The following JMJD6 variants were observed in gnomAD, a reference collection of about 807,000 sequenced individuals.
JMJD6 encodes the protein bifunctional arginine demethylase and lysyl-hydroxylase JMJD6.
In JMJD6, 17 loss-of-function variants were observed where a neutral mutation model predicts 45.8. The observed-to-expected ratio is 0.37, with a 90% CI of 0.25 to 0.56. JMJD6 has a LOEUF of 0.56. Ranked by LOEUF, JMJD6 falls within the 20% of genes least tolerant of loss-of-function variation. The pLI, the probability that JMJD6 is intolerant of heterozygous loss-of-function variation, is 0.79. For missense variants in JMJD6, 470 were observed against 517.5 expected (o/e 0.91, Z 0.89); for synonymous variants, 221 against 196.3 (o/e 1.13, Z -1.05).
chr17:76,724,122 A>T, intron 2 of JMJD6, 64 bp from the exon 3 acceptor site: 4 of 1,545,048 alleles, frequency 2.6e-6, no homozygotes, highest in Non-Finnish European at 3.5e-6. Context: ...ACACAAAACA[A>T]TAAGTTTTTA....
Position 76,726,606 on chromosome 17 carries a change from T to A in JMJD6, c.-131A>T. The stretch of plus-strand genomic sequence containing the variant: ...GCCCTTCGCTCAGTCCCGGCGCCTT[T>A]AAAGTCGCCTTCCAGAAAATTCACT... On this transcript the variant is annotated 5_prime_UTR_variant, in exon 1 of 6. Transcript: ENST00000397625. 3 of 1,265,674 alleles carry A rather than the reference T, an allele frequency of 2.4e-6. No individual in the cohort carries two copies. Among genetic ancestry groups the A allele is most frequent in the Non-Finnish European group, 3.2e-6 (3 of 948,980 alleles). 78.4% of individuals were successfully genotyped at this position (1,265,674 alleles called of 1,614,324 possible).
chr17:76,726,345 A>G lies in JMJD6; in HGVS notation c.129+2T>C. ...CTGGCCACCCCCGCCCGACCCGCTC[A>G]CCGCCACGGCCGCCGGGCTCAGCGA... On this transcript the variant is annotated splice_donor_variant, in intron 1 of 5. Transcript: ENST00000397625. LOFTEE classifies it high-confidence loss of function. 1.9e-6 allele frequency: 3 copies of G among 1,573,590 alleles called. No homozygotes were observed. Among genetic ancestry groups the G allele is most frequent in the Non-Finnish European group, 8.6e-7 (1 of 1,163,552 alleles).
Position 76,720,386 on chromosome 17 carries a change from A to G in JMJD6, c.1054T>C (p.Ser352Pro). 1 of 1,614,122 alleles carries G rather than the reference A, an allele frequency of 6.2e-7. No individual in the cohort carries two copies. The highest frequency in any genetic ancestry group is 8.5e-7 in the Non-Finnish European group (1 of 1,180,006). The change falls in exon 5 of 6, where the codon TCC becomes CCC. Residue 352 changes from serine to proline, a missense_variant. Coordinates refer to ENST00000397625, the MANE Select transcript of JMJD6 (RefSeq NM_015167.3). ...TCTGAGTCGGAGTCTGACGAACTGG[A>G]GCTGGAGGAGCTGGAAGAGTCGCTG... Reference protein sequence around the residue: ...SSSDSSSSSSSSSSDSDSECE... With the variant: ...SSSDSSSSSSPSSSDSDSECE...
chr17:76,715,249 G>C (rs1169696460), downstream of JMJD6: 1 of 152,182 alleles, frequency 6.6e-6, no homozygotes, highest in African/African-American at 2.4e-5. Context: ...TATACATTCA[G>C]AGTTTGACTT....
chr17:76,726,285 A>C lies in JMJD6; in HGVS notation c.129+62T>G, dbSNP rs958028208. On this transcript the variant is annotated intron_variant, in intron 1 of 5. Transcript: ENST00000397625. ...GCGAGGGCAGCCTCGGGCCCAGAGA[A>C]AGGTGCGTAGCGGCTGGAGGTGCCG... 4 of 1,505,066 alleles carry C rather than the reference A, an allele frequency of 2.7e-6. No homozygotes were observed. In the African/African-American group the frequency reaches 5.8e-5, roughly 22 times the overall value. The allele number at this position is 1,505,066 out of a possible 1,614,324, so 93.2% of individuals were successfully genotyped here. A position where few individuals can be genotyped will look rare whatever the true frequency, so the allele number is the denominator to read the frequency against.
At chr17:76,721,714 ACAT>A in intron 4 of JMJD6, 81 bp downstream of exon 4, 2 of 1,428,138 alleles carry the variant, frequency 1.4e-6, no homozygotes. Context: ...CGATCAGCAC[ACAT>A]CATCGCAGCA....
chr17:76,726,332 GC>G lies in JMJD6; in HGVS notation c.129+14del. 1 of 1,560,758 alleles carries G rather than the reference GC, an allele frequency of 6.4e-7. No individual in the cohort carries two copies. The highest frequency in any genetic ancestry group is 1.4e-5 in the African/African-American group (1 of 71,718). On this transcript the variant is annotated intron_variant, in intron 1 of 5. Transcript: ENST00000397625. Reference sequence around the variant, plus strand: ...GCCGATGCCCGGCCTGGCCACCCCCGCCCGACCCGCTCACCGCCACGGCCGC... The same window carrying G: ...GCCGATGCCCGGCCTGGCCACCCCCGCCGACCCGCTCACCGCCACGGCCGC...
At position 76,718,651 on chromosome 17, in the gene JMJD6, G is replaced by C. The variant is rs779096055; in HGVS notation, c.*78C>G. ...TCTGTCAGGCCTCCCCTTGTCTGCA[G>C]GACTGGACAGGCCACCCTCCCCAGG... On this transcript the variant is annotated 3_prime_UTR_variant, in exon 6 of 6. Transcript: ENST00000397625. 1 of 1,560,824 alleles carries C rather than the reference G, an allele frequency of 6.4e-7. No homozygotes were observed.
At chr17:76,721,522 C>T (rs2240770) in intron 4 of JMJD6, 124,620 of 450,246 alleles carry the variant, frequency 0.28, 18,523 homozygotes, top group East Asian at 0.35. Context: ...AAAAACAAAA[C>T]ACAAAACAAA....
chr17:76,724,834 GA>G (rs962975931), intron 2 of JMJD6, among the ~76,000 whole-genome samples: 14 of 149,794 alleles, frequency 9.3e-5, no homozygotes, highest in Admixed American at 7.3e-4. Flanking sequence ...AAAAAAAAAA[GA>G]AAAAAAAAGA....
downstream of JMJD6, among the ~76,000 whole-genome samples, chr17:76,717,366 T>C (rs1469056021): frequency 6.6e-6 from 1 of 152,220 alleles, no homozygotes; most frequent in Non-Finnish European, 1.5e-5. Context: ...AGTATTTTAC[T>C]ATCTTCCAAC....
downstream of JMJD6, chr17:76,713,582 T>C (rs2076744069): frequency 6.6e-6 from 1 of 152,178 alleles, no homozygotes. Context: ...AACTTACTCG[T>C]GGAAATACTA....
At chr17:76,726,079 G>C (rs1325250107) in intron 1 of JMJD6, among the ~76,000 whole-genome samples, 1 of 152,224 alleles carries the variant, frequency 6.6e-6, no homozygotes, top group African/African-American at 2.4e-5. Flanking sequence ...GCCGCCCAAA[G>C]GAGTCAGGGA....
intron 3 of JMJD6, 37 bp from the exon 4 acceptor site, chr17:76,721,970 A>T (rs2076830617): frequency 6.2e-7 from 1 of 1,610,770 alleles, no homozygotes; most frequent in Non-Finnish European, 8.5e-7. Flanking sequence ...ACAAGGTTTG[A>T]TCCTATACCT....
chr17:76,725,411 A>AAAC (rs2076901857), intron 2 of JMJD6, 56 bp downstream of exon 2: 1 of 1,391,940 alleles, frequency 7.2e-7, no homozygotes, highest in Non-Finnish European at 9.5e-7. Context: ...TGTCTCAAAA[A>AAAC]AAAAAAAAAA....
At chr17:76,720,237 G>A (rs2076806107) in intron 5 of JMJD6, 123 bp downstream of exon 5, 1 of 895,948 alleles carries the variant, frequency 1.1e-6, no homozygotes, top group Non-Finnish European at 1.8e-6. Context: ...GTAACCCTTA[G>A]AACAACGTGG....
At chr17:76,722,241 AGTTT>A (rs1293743635) in intron 3 of JMJD6, among the ~76,000 whole-genome samples, 1 of 152,190 alleles carries the variant, frequency 6.6e-6, no homozygotes, top group Non-Finnish European at 1.5e-5. Context: ...TTATAGAAAA[AGTTT>A]GTTTACTCCT....
Position 76,726,479 on chromosome 17 carries a change from G to A in JMJD6, c.-4C>T. On this transcript the variant is annotated 5_prime_UTR_variant, in exon 1 of 6. Transcript: ENST00000397625. ...GCTTCTTGCTCTTGTGGTTCATTCTGCGGGGTCGCCAGCTGGTTCCGCTAC... is the reference window on the plus strand; with the variant it reads ...GCTTCTTGCTCTTGTGGTTCATTCTACGGGGTCGCCAGCTGGTTCCGCTAC... 1 of 1,590,712 alleles carries A rather than the reference G, an allele frequency of 6.3e-7. No homozygotes were observed. Among genetic ancestry groups the A allele is most frequent in the Non-Finnish European group, 8.6e-7 (1 of 1,168,958 alleles).
rs1163022715 is a variant in JMJD6, at chr17:76,718,845, C to T, written c.1096G>A (p.Glu366Lys). The change falls in exon 6 of 6, where the codon GAG (glutamate) becomes AAG (lysine). Residue 366 changes from glutamate to lysine, a missense_variant. Glu to Lys is a moderately conservative substitution (Grantham distance 56). Around this residue, in one of 4 missense-constraint regions of JMJD6, gnomAD observed 45 missense variants for 37.2 expected, o/e 1.21. Coordinates refer to ENST00000397625, the MANE Select transcript of JMJD6 (RefSeq NM_015167.3). The part of the protein sequence containing the change: ...DSDSECESGS[E>K]GDGTVHRRKK... ...CTGCGGTGCACTGTCCCATCGCCCT[C>T]GGATCCAGACTCGCACTGGACACAG... The T allele has an allele frequency of 8.1e-6, 13 of 1,613,924 alleles. No homozygotes were observed. The highest frequency in any genetic ancestry group is 3.3e-5 in the Admixed American group (2 of 59,974).
Sources: gnomAD v4.1 joint callset for allele counts (sites outside exome capture counted in the v4.1 genomes callset) on GRCh38, gnomAD v4.1.1 for gene constraint, gnomAD v4.1.1 regional missense constraint, MANE v1.5 for transcripts, NCBI Gene and HGNC (gene_info 2026-07-23, HGNC 2026-07-21) for gene names.